The following ZNF695 variants were observed in gnomAD, a reference collection of about 807,000 sequenced individuals.
ZNF695 encodes zinc finger protein 695.
In ZNF695, 11 loss-of-function variants were observed where a neutral mutation model predicts 11.2. The ratio of observed to expected loss-of-function variants is 0.98; its 90% confidence interval spans 0.62 to 1.62. ZNF695 has a LOEUF of 1.62. ZNF695 is among the 40% of genes most tolerant of loss of function. ZNF695 has a pLI of 0.00. For missense variants in ZNF695, 559 were observed against 590.5 expected (o/e 0.95, Z 0.55); for synonymous variants, 190 against 201.4 (o/e 0.94, Z 0.48).
At position 247,000,868 on chromosome 1, in the gene ZNF695, C is replaced by G. The variant is rs539068021; in HGVS notation, c.4-794G>C. On this transcript the variant is annotated intron_variant, in intron 1 of 3. Transcript: ENST00000339986. ...CACACAAACAAGTCTACATAACAAC[C>G]AGCTAACAACGCAATGACAGGATCA... 2.0e-5 allele frequency among the ~76,000 whole-genome samples: 3 copies of G among 152,290 alleles called. No individual in the cohort carries two copies. In the South Asian group the frequency reaches 6.2e-4, roughly 32 times the overall value.
chr1:246,986,046 G>A lies in ZNF695; in HGVS notation c.*921C>T. ...TCAAAAAAGCTAAAACTCTTTCAGTGCACCGAGTATACTTTATTATTATGT... is the reference window on the plus strand; with the variant it reads ...TCAAAAAAGCTAAAACTCTTTCAGTACACCGAGTATACTTTATTATTATGT... On this transcript the variant is annotated 3_prime_UTR_variant, in exon 4 of 4. Coordinates refer to ENST00000339986, the MANE Select transcript of ZNF695 (RefSeq NM_020394.5). 1 of 981,642 alleles carries A rather than the reference G, an allele frequency of 1.0e-6. No individual in the cohort carries two copies. The highest frequency in any genetic ancestry group is 1.2e-6 in the Non-Finnish European group (1 of 826,542). 60.8% of individuals were successfully genotyped at this position (981,642 alleles called of 1,614,324 possible).
At chr1:246,963,749 C>A (rs528299348) in intron 5 of ZNF695, among the ~76,000 whole-genome samples, 1 of 152,120 alleles carries the variant, frequency 6.6e-6, no homozygotes, top group Non-Finnish European at 1.5e-5. Context: ...TTCCCCACAC[C>A]GACCAATTCT....
intron 5 of ZNF695, among the ~76,000 whole-genome samples, chr1:246,961,866 C>T (rs1207977178): frequency 1.3e-5 from 2 of 152,164 alleles, no homozygotes; most frequent in Non-Finnish European, 2.9e-5. Flanking sequence ...AAAGGGCCCT[C>T]TTCATCACTC....
At chr1:246,959,447 G>A (rs1463491945) in intron 5 of ZNF695, among the ~76,000 whole-genome samples, 2 of 146,706 alleles carry the variant, frequency 1.4e-5, no homozygotes, top group Non-Finnish European at 3.0e-5. Context: ...TTTGTTTTGA[G>A]ACAGAGTCTC....
At chr1:246,947,137 C>CA (rs756767246) in intron 5 of ZNF695, among the ~76,000 whole-genome samples, 6,496 of 90,114 alleles carry the variant, frequency 0.072, 661 homozygotes, top group African/African-American at 0.24. Context: ...GAGACTCCGT[C>CA]AAAAAAAAAA....
chr1:246,963,245 G>C (rs1367259422), intron 5 of ZNF695, among the ~76,000 whole-genome samples: 5 of 152,152 alleles, frequency 3.3e-5, no homozygotes, highest in African/African-American at 4.8e-5. Context: ...TACTAAAGGT[G>C]ACTGTGTGCC....
exon 5 of ZNF695, chr1:246,967,722 T>C: frequency 2.5e-6 from 1 of 398,084 alleles, no homozygotes; most frequent in Non-Finnish European, 5.0e-6. Flanking sequence ...ATGCTTCTGC[T>C]TCTGGGGAGG....
At chr1:246,972,397 G>T (rs76454510) in intron 4 of ZNF695, among the ~76,000 whole-genome samples, 11,174 of 152,204 alleles carry the variant, frequency 0.073, 609 homozygotes, top group East Asian at 0.27. Flanking sequence ...GAGCTTTTAA[G>T]TTTCTGCGTT....
chr1:246,953,957 A>G (rs1360487251), intron 5 of ZNF695, among the ~76,000 whole-genome samples: 1 of 151,722 alleles, frequency 6.6e-6, no homozygotes, highest in Non-Finnish European at 1.5e-5. Context: ...AAAAAAAAAA[A>G]AAAAGAAACC....
chr1:246,967,272 A>C (rs903492162), intron 5 of ZNF695: 11 of 433,068 alleles, frequency 2.5e-5, no homozygotes, highest in Non-Finnish European at 4.6e-5. Context: ...ATATATTAAA[A>C]AGCCACTGGA....
At chr1:246,985,122 C>T (rs1460580596), downstream of ZNF695, among the ~76,000 whole-genome samples, 1 of 152,174 alleles carries the variant, frequency 6.6e-6, no homozygotes. Context: ...CAGGTATGCA[C>T]TTACTTCAAA....
At chr1:246,975,311 A>C (rs1668528813) in intron 4 of ZNF695, among the ~76,000 whole-genome samples, 1 of 152,230 alleles carries the variant, frequency 6.6e-6, no homozygotes, top group African/African-American at 2.4e-5. Flanking sequence ...ACTTCGGAAC[A>C]CTGATATCCA....
downstream of ZNF695, among the ~76,000 whole-genome samples, chr1:246,984,233 C>T (rs1288829289): frequency 8.6e-6 from 1 of 115,796 alleles, no homozygotes; most frequent in Admixed American, 1.1e-4. Flanking sequence ...TATAAGATGA[C>T]ATATTGTGTG....
rs1317933237 is a variant in ZNF695, at chr1:246,985,910, C to CTCTCACAG, written c.*1049_*1056dup. 1.0e-6 allele frequency: 1 copy of CTCTCACAG among 985,298 alleles called. No homozygotes were observed. The highest frequency in any genetic ancestry group is 1.7e-5 in the African/African-American group (1 of 57,226). 61.0% of individuals were successfully genotyped at this position (985,298 alleles called of 1,614,324 possible). ...AACACCCACCCGAATATAGAAGAAA[C>CTCTCACAG]TCTCACAGCTTTCATGTAGCAACAG... is the stretch of plus-strand genomic sequence containing the variant. On this transcript the variant is annotated 3_prime_UTR_variant, in exon 4 of 4. Transcript: ENST00000339986.
chr1:247,007,176 T>G (rs564145767), intron 1 of ZNF695, among the ~76,000 whole-genome samples: 2 of 152,172 alleles, frequency 1.3e-5, no homozygotes, highest in African/African-American at 4.8e-5. Context: ...AATAAACTCC[T>G]TAACATTTCA....
intron 1 of ZNF695, among the ~76,000 whole-genome samples, chr1:247,005,801 A>G (rs1189945986): frequency 6.6e-6 from 1 of 152,244 alleles, no homozygotes; most frequent in African/African-American, 2.4e-5. Context: ...ACCTCAAACT[A>G]TGAACAGAAA....
At chr1:246,966,477 T>A (rs1668294209) in intron 5 of ZNF695, among the ~76,000 whole-genome samples, 1 of 151,486 alleles carries the variant, frequency 6.6e-6, no homozygotes, top group African/African-American at 2.4e-5. Flanking sequence ...CAAGACTCCA[T>A]CCCCCCACCA....
chr1:246,994,386 C>T (rs865920338), intron 3 of ZNF695, among the ~76,000 whole-genome samples: 4 of 150,810 alleles, frequency 2.7e-5, no homozygotes, highest in African/African-American at 9.8e-5. Flanking sequence ...ACTAAAAATA[C>T]GAAAATTAGC....
At chr1:246,959,637 A>G (rs1321003597) in intron 5 of ZNF695, among the ~76,000 whole-genome samples, 1 of 151,886 alleles carries the variant, frequency 6.6e-6, no homozygotes, top group Non-Finnish European at 1.5e-5. Flanking sequence ...TATCTTGGCC[A>G]GGCTGGTCTC....
Sources: allele counts gnomAD v4.1 joint callset (sites outside exome capture counted in the v4.1 genomes callset), GRCh38; gene constraint gnomAD v4.1.1; transcripts MANE v1.5; gene names NCBI Gene and HGNC (gene_info 2026-07-23, HGNC 2026-07-21).